SAMD4A: variants seen among roughly 807,000 people sequenced by gnomAD.
SAMD4A encodes protein Smaug homolog 1.
A neutral mutation model predicts 81.3 loss-of-function variants in SAMD4A; 33 were observed. The ratio of observed to expected loss-of-function variants is 0.41; its 90% CI spans 0.31 to 0.54. The LOEUF (loss-of-function observed/expected upper bound fraction) is 0.54, where lower values mean the gene tolerates loss of function less well. Among genes scored for constraint, SAMD4A ranks in the 20% least tolerant of loss-of-function variants. The pLI is 0.37. For synonymous variants in SAMD4A, 389 were observed against 382.1 expected, an observed-to-expected ratio of 1.02 and a Z score of -0.21; for missense variants, 854 against 951.1, an observed-to-expected ratio of 0.90 and a Z score of 1.34.
At position 54,702,515 on chromosome 14, in the gene SAMD4A, T is replaced by C; in HGVS notation, c.650T>C (p.Val217Ala). 1.2e-6 allele frequency: 2 copies of C among 1,614,196 alleles called. No individual in the cohort carries two copies. The highest frequency in any genetic ancestry group is 1.7e-6 in the Non-Finnish European group (2 of 1,180,000). ...AGCATGGGGTGTGAGAATGGCCATG[T>C]GCCCCTCTACTCCTCCTCATCTGTC... ...DKSMGCENGH[V>A]PLYSSSSVPT... Residue 217 changes from valine (V) to alanine (A), a missense_variant, in exon 3 of 13, where the codon GTG (valine) becomes GCG (alanine). Val to Ala is a moderately conservative substitution (Grantham distance 64, BLOSUM62 0). Coordinates refer to ENST00000554335, the MANE Select transcript of SAMD4A (RefSeq NM_015589.6).
At chr14:54,566,261 C>A (rs1476287460), upstream of SAMD4A, among the ~76,000 whole-genome samples, 3 of 151,188 alleles carry the variant, frequency 2.0e-5, no homozygotes, top group Admixed American at 1.3e-4. Context: ...GCCGCCGCGG[C>A]CCCGGACCCG....
At chr14:54,735,153 T>C (rs1052381259) in intron 3 of SAMD4A, 1 of 152,076 alleles carries the variant, frequency 6.6e-6, no homozygotes, top group Non-Finnish European at 1.5e-5. Flanking sequence ...AAATGGATTT[T>C]CTGGATGTCT....
intron 2 of SAMD4A, among the ~76,000 whole-genome samples, chr14:54,584,491 A>G (rs2033561972): frequency 2.0e-5 from 3 of 152,244 alleles, no homozygotes; most frequent in Admixed American, 6.5e-5. Flanking sequence ...TTGATCTCAA[A>G]TCCAAAGCAT....
intron 2 of SAMD4A, among the ~76,000 whole-genome samples, chr14:54,588,758 A>G (rs2033694258): frequency 1.3e-5 from 2 of 151,996 alleles, no homozygotes; most frequent in Non-Finnish European, 1.5e-5. Context: ...CCATGAGAAC[A>G]TTTGTTTTTT....
intron 11 of SAMD4A, among the ~76,000 whole-genome samples, chr14:54,777,449 A>G (rs1377283127): frequency 6.6e-6 from 1 of 152,234 alleles, no homozygotes; most frequent in Non-Finnish European, 1.5e-5. Flanking sequence ...GCAAGACTGC[A>G]AAGGTCCAGA....
At chr14:54,620,725 A>G (rs2034595324) in intron 2 of SAMD4A, among the ~76,000 whole-genome samples, 1 of 152,132 alleles carries the variant, frequency 6.6e-6, no homozygotes, top group Admixed American at 6.5e-5. Context: ...TCTGTAATTT[A>G]AAATTGAACC....
intron 7 of SAMD4A, among the ~76,000 whole-genome samples, chr14:54,761,969 T>C (rs1257911337): frequency 1.3e-5 from 2 of 152,236 alleles, no homozygotes; most frequent in Admixed American, 6.5e-5. Context: ...AATACCCTGC[T>C]TTTGTAGCAC....
In SAMD4A at chr14:54,737,017, T is replaced by A; in HGVS notation, c.716-7T>A. On this transcript the variant is annotated splice_polypyrimidine_tract_variant and splice_region_variant and intron_variant, in intron 3 of 12. Coordinates refer to ENST00000554335, the MANE Select transcript of SAMD4A (RefSeq NM_015589.6). ...AATAACCTATTTCATTTTATTTTTTTTTCCAGTTCTCTCAGGCCAGGCACA... is the reference window on the plus strand; with the variant it reads ...AATAACCTATTTCATTTTATTTTTTATTCCAGTTCTCTCAGGCCAGGCACA... 1.2e-6 allele frequency: 2 copies of A among 1,612,916 alleles called. No individual in the cohort carries two copies. The highest frequency in any genetic ancestry group is 1.7e-6 in the Non-Finnish European group (2 of 1,179,920).
intron 8 of SAMD4A, among the ~76,000 whole-genome samples, chr14:54,769,168 C>A (rs2038637088): frequency 6.6e-6 from 1 of 152,190 alleles, no homozygotes; most frequent in South Asian, 2.1e-4. Flanking sequence ...CCATCTAGAA[C>A]ACCTCATGTT....
At chr14:54,762,744 C>A (rs2139871751) in intron 7 of SAMD4A, among the ~76,000 whole-genome samples, 1 of 152,286 alleles carries the variant, frequency 6.6e-6, no homozygotes, top group South Asian at 2.1e-4. Context: ...AAGTGGAAAA[C>A]CACCCTCCCC....
At chr14:54,600,675 C>T (rs924963579) in intron 2 of SAMD4A, among the ~76,000 whole-genome samples, 1 of 152,178 alleles carries the variant, frequency 6.6e-6, no homozygotes, top group African/African-American at 2.4e-5. Context: ...TAATATGAGT[C>T]TTGTTGGTAG....
At chr14:54,781,231 C>T (rs1269662216) in intron 11 of SAMD4A, among the ~76,000 whole-genome samples, 1 of 152,218 alleles carries the variant, frequency 6.6e-6, no homozygotes, top group Non-Finnish European at 1.5e-5. Flanking sequence ...TGGCTCCTTA[C>T]CCTCAGTGCC....
rs78763690 is a variant in SAMD4A, at chr14:54,731,446, C to T, written c.716-5578C>T. Among the ~76,000 whole-genome samples the T allele has an allele frequency of 6.6e-4, 101 of 152,322 alleles. No individual in the cohort carries two copies. The East Asian group carries it at 0.018, about 28-fold the overall frequency. The stretch of plus-strand genomic sequence containing the variant: ...TATGTGGACACACAGCATACATCAC[C>T]TGAGTCACAGGGAATTGGCCAGGAC... On this transcript the variant is annotated intron_variant, in intron 3 of 12. Transcript: ENST00000554335.
chr14:54,706,604 CAAAA>C (rs869228790), intron 3 of SAMD4A, among the ~76,000 whole-genome samples: 8 of 77,722 alleles, frequency 1.0e-4, no homozygotes, highest in South Asian at 4.7e-4. Flanking sequence ...GACTCTGTCT[CAAAA>C]AAAAAAAAGA....
intron 3 of SAMD4A, among the ~76,000 whole-genome samples, chr14:54,730,237 A>C (rs2037528698): frequency 6.6e-6 from 1 of 152,250 alleles, no homozygotes; most frequent in South Asian, 2.1e-4. Context: ...TTTTCCCTGC[A>C]TCAGAATGCT....
intron 2 of SAMD4A, among the ~76,000 whole-genome samples, chr14:54,697,688 TATTA>T (rs752630841): frequency 1.3e-5 from 2 of 152,178 alleles, no homozygotes; most frequent in African/African-American, 2.4e-5. Context: ...TTGGATAGTG[TATTA>T]ATTAACTTAG....
intron 2 of SAMD4A, among the ~76,000 whole-genome samples, chr14:54,684,606 A>ACCCC (rs2036207098): frequency 2.9e-5 from 2 of 68,810 alleles, no homozygotes; most frequent in African/African-American, 9.4e-5. Flanking sequence ...TTGGCCAGAC[A>ACCCC]CCCCCGCCCC....
intron 3 of SAMD4A, among the ~76,000 whole-genome samples, chr14:54,708,572 C>T (rs953446984): frequency 4.6e-5 from 7 of 152,110 alleles, no homozygotes; most frequent in Non-Finnish European, 1.0e-4. Context: ...AGGCCAAGGC[C>T]CCCAGGCCTG....
chr14:54,773,404 A>G (rs1381045265), intron 9 of SAMD4A, among the ~76,000 whole-genome samples: 1 of 152,108 alleles, frequency 6.6e-6, no homozygotes, highest in Non-Finnish European at 1.5e-5. Context: ...GATCTCTTCC[A>G]TCTTGTGGCC....
Sources: allele counts gnomAD v4.1 joint callset (sites outside exome capture counted in the v4.1 genomes callset), GRCh38; gene constraint gnomAD v4.1.1; transcripts MANE v1.5; gene names NCBI Gene and HGNC (gene_info 2026-07-23, HGNC 2026-07-21).